MIPEP: variants seen among roughly 807,000 people sequenced by gnomAD.
MIPEP encodes the protein mitochondrial intermediate peptidase.
MIPEP carries 79 observed loss-of-function variants against 90.3 expected under a neutral mutation model. The observed-to-expected ratio is 0.87, with a 90% CI of 0.73 to 1.05. The LOEUF (loss-of-function observed/expected upper bound fraction) is 1.05. Ranked by LOEUF, MIPEP falls within the 50% of genes least tolerant of loss-of-function variation. The pLI is 0.00. For synonymous variants in MIPEP, 334 were observed against 315.8 expected, an observed-to-expected ratio of 1.06 and a Z score of -0.61; for missense variants, 940 against 905.6, an observed-to-expected ratio of 1.04 and a Z score of -0.49.
chr13:23,794,707 T>A (rs1450866020), intron 16 of MIPEP, among the ~76,000 whole-genome samples: 1 of 151,884 alleles, frequency 6.6e-6, no homozygotes, highest in East Asian at 1.9e-4. Context: ...AAGACAAAAA[T>A]GAAAGTTGGT....
At chr13:23,757,721 G>C (rs565172419) in intron 17 of MIPEP, among the ~76,000 whole-genome samples, 1 of 152,270 alleles carries the variant, frequency 6.6e-6, no homozygotes, top group Admixed American at 6.5e-5. Context: ...CTGGTACTCT[G>C]TGTCACCTGG....
intron 12 of MIPEP, among the ~76,000 whole-genome samples, chr13:23,838,064 G>A (rs968936040): frequency 6.6e-6 from 1 of 152,178 alleles, no homozygotes; most frequent in African/African-American, 2.4e-5. Flanking sequence ...AAGAACTTAC[G>A]AAGGGACACT....
In MIPEP at chr13:23,889,305, T is replaced by G. The variant is rs1040016913; in HGVS notation, c.16A>C (p.Arg6=). 1.1e-5 allele frequency: 15 copies of G among 1,350,004 alleles called. No homozygotes were observed. In the East Asian group the frequency reaches 2.5e-4, roughly 22 times the overall value. The allele number at this position is 1,350,004 out of a possible 1,614,324, so 83.6% of individuals were successfully genotyped here. The change falls in exon 1 of 19, where the codon AGG becomes CGG. Residue 6 remains arginine, a synonymous_variant. Coordinates refer to ENST00000382172, the MANE Select transcript of MIPEP (RefSeq NM_005932.4). MLCVG[R]LGGLGARAAA... is the part of the protein sequence containing the mutation. The stretch of plus-strand genomic sequence containing the variant: ...GCTCTGGCTCCCAAGCCGCCCAGCC[T>G]TCCGACGCACAGCATTCTAGCACCA...
chr13:23,746,849 G>C (rs2147664), intron 18 of MIPEP, among the ~76,000 whole-genome samples: 1 of 152,046 alleles, frequency 6.6e-6, no homozygotes, highest in Non-Finnish European at 1.5e-5. Flanking sequence ...ACTTGAGGAA[G>C]AAAAACCTCT....
intron 7 of MIPEP, among the ~76,000 whole-genome samples, chr13:23,865,427 C>T (rs76781788): frequency 1.6e-3 from 243 of 152,264 alleles, no homozygotes; most frequent in African/African-American, 5.5e-3. Context: ...CCTGTGTATA[C>T]GAATTCTGAA....
chr13:23,753,708 T>C (rs545090844), intron 18 of MIPEP, among the ~76,000 whole-genome samples: 15 of 152,348 alleles, frequency 9.8e-5, no homozygotes, highest in African/African-American at 3.4e-4. Context: ...TGTTGGCCTC[T>C]AGCTGGTGAG....
chr13:23,886,418 T>C lies in MIPEP; in HGVS notation c.278A>G (p.Asp93Gly). Reference protein sequence around the residue: ...KALRKTELLVDRACSTPPGPQ... With the variant: ...KALRKTELLVGRACSTPPGPQ... The stretch of plus-strand genomic sequence containing the variant: ...CCCAGGTGGGGTGGAACATGCACGG[T>C]CCACAAGCAATTCTGTCTTTCTCAA... The change falls in exon 2 of 19, where the codon GAC becomes GGC. Residue 93 changes from aspartate (D) to glycine (G), a missense_variant. Transcript: ENST00000382172. 1 of 1,609,006 alleles carries C rather than the reference T, an allele frequency of 6.2e-7. No individual in the cohort carries two copies. Among genetic ancestry groups the C allele is most frequent in the Non-Finnish European group, 8.5e-7 (1 of 1,177,322 alleles).
chr13:23,788,488 C>T (rs1952870043), intron 16 of MIPEP, among the ~76,000 whole-genome samples: 1 of 152,190 alleles, frequency 6.6e-6, no homozygotes, highest in African/African-American at 2.4e-5. Flanking sequence ...GAGATGTGGA[C>T]AACTGTATAG....
At chr13:23,879,059 G>T (rs1445943847) in intron 4 of MIPEP, among the ~76,000 whole-genome samples, 2 of 152,142 alleles carry the variant, frequency 1.3e-5, no homozygotes, top group East Asian at 3.9e-4. Context: ...AATAAATCAG[G>T]ATCAGAGGGT....
At chr13:23,810,388 T>C (rs539096033) in intron 14 of MIPEP, among the ~76,000 whole-genome samples, 8 of 152,188 alleles carry the variant, frequency 5.3e-5, no homozygotes, top group Non-Finnish European at 1.2e-4. Flanking sequence ...TCCTAACAAA[T>C]AGTCATAATA....
At chr13:23,866,594 A>C (rs904411845) in intron 7 of MIPEP, among the ~76,000 whole-genome samples, 3 of 151,996 alleles carry the variant, frequency 2.0e-5, no homozygotes, top group Non-Finnish European at 4.4e-5. Context: ...CCAGGACCAC[A>C]CCCTGTAATC....
intron 14 of MIPEP, among the ~76,000 whole-genome samples, chr13:23,828,369 A>G (rs1196563240): frequency 6.6e-6 from 1 of 152,226 alleles, no homozygotes; most frequent in South Asian, 2.1e-4. Context: ...ACGTGGTTGG[A>G]AAGGAAAAAT....
Position 23,771,366 on chromosome 13 carries a change from C to T in MIPEP, c.1849-11149G>A, listed in dbSNP as rs577656218. ...GGGGTGTCTTCAATAAATATTTACACAAACAATGATAAAAGGAGCAAGAAT... is the reference window on the plus strand; with the variant it reads ...GGGGTGTCTTCAATAAATATTTACATAAACAATGATAAAAGGAGCAAGAAT... On this transcript the variant is annotated intron_variant, in intron 16 of 18. Transcript: ENST00000382172. Among the ~76,000 whole-genome samples the T allele has an allele frequency of 2.6e-5, 4 of 152,254 alleles. No homozygotes were observed. The South Asian group carries it at 6.2e-4, about 24-fold the overall frequency.
chr13:23,779,007 T>A (rs1445512804), intron 16 of MIPEP, among the ~76,000 whole-genome samples: 1 of 152,236 alleles, frequency 6.6e-6, no homozygotes, highest in East Asian at 1.9e-4. Flanking sequence ...TTTCCACACA[T>A]AACTTTCTCA....
chr13:23,854,810 T>C (rs1869978154), intron 10 of MIPEP, among the ~76,000 whole-genome samples: 1 of 151,858 alleles, frequency 6.6e-6, no homozygotes, highest in Non-Finnish European at 1.5e-5. Context: ...GAGAATCACT[T>C]GAACCCAGGA....
chr13:23,746,462 C>T (rs1280317986), intron 18 of MIPEP, among the ~76,000 whole-genome samples: 3 of 151,486 alleles, frequency 2.0e-5, no homozygotes, highest in African/African-American at 4.8e-5. Context: ...GGCAAAACCC[C>T]GTCTCTGCCA....
rs868431226 is a variant in MIPEP at position 23,789,738 on chromosome 13, C to T, written c.1848+16212G>A. On this transcript the variant is annotated intron_variant, in intron 16 of 18. Coordinates refer to ENST00000382172, the MANE Select transcript of MIPEP (RefSeq NM_005932.4). ...TCTTGTTGACCCTCAGTTTCTCCCA[C>T]CTGCCGGGTTTGGGGCTTTCCTCAT... 1.5e-4 allele frequency among the ~76,000 whole-genome samples: 23 copies of T among 152,332 alleles called. 1 individual carries two copies. Among genetic ancestry groups the T allele is most frequent in the African/African-American group, 4.8e-4 (20 of 41,570 alleles).
chr13:23,837,379 T>C (rs1306020536), intron 13 of MIPEP, among the ~76,000 whole-genome samples, 173 bp downstream of exon 13: 2 of 152,110 alleles, frequency 1.3e-5, no homozygotes, highest in African/African-American at 4.8e-5. Context: ...GAAAAAAGCA[T>C]GGAAGATCAG....
intron 8 of MIPEP, among the ~76,000 whole-genome samples, chr13:23,863,478 CTG>C (rs1476985276): frequency 3.3e-5 from 5 of 152,204 alleles, no homozygotes; most frequent in African/African-American, 1.2e-4. Flanking sequence ...ATTAAAAACA[CTG>C]TATAAAATTA....
Sources: gnomAD v4.1 joint callset for allele counts (sites outside exome capture counted in the v4.1 genomes callset) on GRCh38, gnomAD v4.1.1 for gene constraint, MANE v1.5 for transcripts, NCBI Gene and HGNC (gene_info 2026-07-23, HGNC 2026-07-21) for gene names.